OPCML: variants seen among roughly 807,000 people sequenced by gnomAD.
The protein encoded by OPCML is opioid binding protein/cell adhesion molecule like.
Under a neutral mutation model 37.8 loss-of-function variants are expected in OPCML, and 13 were observed. The ratio of observed to expected loss-of-function variants is 0.34; its 90% CI spans 0.22 to 0.55. OPCML has a LOEUF of 0.55. OPCML is among the 20% of genes least tolerant of loss of function. OPCML has a pLI of 0.91. For synonymous variants in OPCML, 176 were observed against 168.8 expected, an observed-to-expected ratio of 1.04 and a Z score of -0.33; for missense variants, 341 against 435.6, an observed-to-expected ratio of 0.78 and a Z score of 1.93.
At chr11:132,962,966 AG>A (rs1345015055) in intron 1 of OPCML, among the ~76,000 whole-genome samples, 1 of 152,190 alleles carries the variant, frequency 6.6e-6, no homozygotes, top group Non-Finnish European at 1.5e-5. Context: ...CAGACAGAGC[AG>A]GAGGCCTGCT....
At chr11:133,346,957 TC>T (rs1944017610) in intron 1 of OPCML, among the ~76,000 whole-genome samples, 1 of 152,154 alleles carries the variant, frequency 6.6e-6, no homozygotes, top group South Asian at 2.1e-4. Flanking sequence ...CTTTCCTGAC[TC>T]CCAATAGCCT....
At chr11:133,213,344 T>A (rs544330325) in intron 1 of OPCML, among the ~76,000 whole-genome samples, 1 of 152,084 alleles carries the variant, frequency 6.6e-6, no homozygotes, top group South Asian at 2.1e-4. Context: ...AATGAATAAT[T>A]TAAAAGATCC....
At chr11:133,372,807 G>A (rs1565599198) in intron 1 of OPCML, among the ~76,000 whole-genome samples, 1 of 152,100 alleles carries the variant, frequency 6.6e-6, no homozygotes, top group Non-Finnish European at 1.5e-5. Context: ...TGACATATTA[G>A]CAATCCAGCA....
intron 4 of OPCML, among the ~76,000 whole-genome samples, chr11:132,523,216 A>T (rs77068768): frequency 6.6e-6 from 1 of 152,222 alleles, no homozygotes; most frequent in Non-Finnish European, 1.5e-5. Context: ...TGATCAGTAC[A>T]TTTCTAACCT....
intron 1 of OPCML, among the ~76,000 whole-genome samples, chr11:133,020,845 G>A (rs1204138981): frequency 6.6e-6 from 1 of 152,128 alleles, no homozygotes; most frequent in Non-Finnish European, 1.5e-5. Flanking sequence ...ATCTCAGTAA[G>A]AAACTTTTTT....
intron 1 of OPCML, among the ~76,000 whole-genome samples, chr11:133,209,984 C>G (rs1031141137): frequency 1.6e-4 from 24 of 152,206 alleles, no homozygotes; most frequent in African/African-American, 5.8e-4. Flanking sequence ...TGGCAGCTCA[C>G]CCAGGAGCAG....
At chr11:133,299,652 C>T (rs1942730967) in intron 1 of OPCML, 1 of 152,154 alleles carries the variant, frequency 6.6e-6, no homozygotes, top group Non-Finnish European at 1.5e-5. Flanking sequence ...ATAATTTATA[C>T]CATCTCTGAA....
chr11:132,515,516 A>G (rs1385249434), intron 4 of OPCML, among the ~76,000 whole-genome samples: 1 of 152,192 alleles, frequency 6.6e-6, no homozygotes, highest in East Asian at 1.9e-4. Context: ...TGTGAAGCCC[A>G]GGTTCGAAGT....
chr11:132,451,090 G>A (rs569484719), intron 4 of OPCML, among the ~76,000 whole-genome samples: 14 of 152,218 alleles, frequency 9.2e-5, no homozygotes, highest in African/African-American at 3.1e-4. Context: ...GCCCTAAAGA[G>A]GCTTGAGCTT....
intron 3 of OPCML, among the ~76,000 whole-genome samples, chr11:132,541,643 A>G (rs997219310): frequency 6.6e-6 from 1 of 151,992 alleles, no homozygotes; most frequent in Admixed American, 6.6e-5. Context: ...CAGTTTTACT[A>G]CTACTTTACA....
At position 132,436,641 on chromosome 11, in the gene OPCML, G is replaced by C. The variant is rs371384830; in HGVS notation, c.764+18C>G. The C allele has an allele frequency of 6.2e-7, 1 of 1,613,870 alleles. No individual in the cohort carries two copies. The highest frequency in any genetic ancestry group is 8.5e-7 in the Non-Finnish European group (1 of 1,179,910). ...TCAGCTCTGCTTCAGAACTGTCCAG[G>C]TGTCATTTAAAAGGTACCTGGTTTC... On this transcript the variant is annotated intron_variant, in intron 6 of 7. Transcript: ENST00000524381.
chr11:132,439,159 G>A (rs536137975), intron 4 of OPCML, among the ~76,000 whole-genome samples: 2 of 152,248 alleles, frequency 1.3e-5, no homozygotes, highest in South Asian at 4.1e-4. Context: ...CCATAGATGT[G>A]AGGTTCAGAG....
In OPCML at chr11:132,729,392, T is replaced by TACACAC. The variant is rs3066898; in HGVS notation, c.147-72079_147-72074dup. On this transcript the variant is annotated intron_variant, in intron 2 of 7. Coordinates refer to ENST00000524381, the MANE Select transcript of OPCML (RefSeq NM_001012393.5). ...CCGAACACACCCATATTATAGATTT[T>TACACAC]ACACACACACACACACTCTTCCAAG... Among the ~76,000 whole-genome samples, 1,442 of 151,606 alleles carry TACACAC rather than the reference T, an allele frequency of 9.5e-3. 10 individuals are homozygous for TACACAC. The highest frequency in any genetic ancestry group is 0.017 in the South Asian group (80 of 4,784).
At chr11:132,989,097 G>A (rs1279472602) in intron 1 of OPCML, among the ~76,000 whole-genome samples, 2 of 152,142 alleles carry the variant, frequency 1.3e-5, no homozygotes, top group African/African-American at 4.8e-5. Context: ...AGAGGATAAG[G>A]TGCTGCTCTG....
intron 1 of OPCML, among the ~76,000 whole-genome samples, chr11:132,976,572 G>GA (rs1946470029): frequency 6.6e-6 from 1 of 152,166 alleles, no homozygotes; most frequent in African/African-American, 2.4e-5. Context: ...TTGATTTGCA[G>GA]AAAAATGGGA....
chr11:133,270,094 G>T (rs1230414741), intron 1 of OPCML, among the ~76,000 whole-genome samples: 1 of 152,166 alleles, frequency 6.6e-6, no homozygotes, highest in Non-Finnish European at 1.5e-5. Flanking sequence ...TGCTAAGAAT[G>T]ACAGCAAAGA....
At chr11:132,757,869 G>T (rs12288021) in intron 2 of OPCML, among the ~76,000 whole-genome samples, 6,407 of 152,168 alleles carry the variant, frequency 0.042, 197 homozygotes, top group Non-Finnish European at 0.069. Flanking sequence ...TGAAGTCTTT[G>T]TCCATGCCTA....
chr11:133,000,237 C>G (rs368330195), intron 1 of OPCML, among the ~76,000 whole-genome samples: 1 of 152,002 alleles, frequency 6.6e-6, no homozygotes, highest in African/African-American at 2.4e-5. Context: ...CTCAGCCTCC[C>G]GAGTAGCTGG....
chr11:132,829,188 G>A (rs1940540368), intron 2 of OPCML, among the ~76,000 whole-genome samples: 2 of 152,132 alleles, frequency 1.3e-5, no homozygotes, highest in Admixed American at 1.3e-4. Flanking sequence ...GTATAATCTG[G>A]TATCTCTGGA....
Sources: gnomAD v4.1 joint callset for allele counts (sites outside exome capture counted in the v4.1 genomes callset) on GRCh38, gnomAD v4.1.1 for gene constraint, MANE v1.5 for transcripts, NCBI Gene and HGNC (gene_info 2026-07-23, HGNC 2026-07-21) for gene names.